TPCN2: variants seen among roughly 807,000 people sequenced by gnomAD.
TPCN2 encodes two pore channel protein 2.
Under a neutral mutation model 111.4 loss-of-function variants are expected in TPCN2, and 92 were observed. The ratio of observed to expected loss-of-function variants is 0.83; its 90% CI spans 0.70 to 0.98. TPCN2 has a LOEUF of 0.98. Ranked by LOEUF, TPCN2 falls within the 50% of genes least tolerant of loss-of-function variation. The probability of loss-of-function intolerance (pLI) is 0.00; values close to 1 mark genes in which losing one functional copy is unlikely to be tolerated. For synonymous variants in TPCN2, 405 were observed against 414.5 expected, an observed-to-expected ratio of 0.98 and a Z score of 0.28; for missense variants, 995 against 980.1, an observed-to-expected ratio of 1.02 and a Z score of -0.20.
chr11:69,085,343 G>GTGGGGGGGGGGGGGGGGGGGA, intron 20 of TPCN2, 57 bp downstream of exon 20: 1 of 581,896 alleles, frequency 1.7e-6, no homozygotes, highest in Non-Finnish European at 3.4e-6. Context: ...GGGTGGGCGG[G>GTGGGGGGGGGGGGGGGGGGGA]AAGCCTTGGC....
At chr11:69,067,733 A>G (rs1029062956) in intron 8 of TPCN2, 128 bp downstream of exon 8, 2 of 693,602 alleles carry the variant, frequency 2.9e-6, no homozygotes, top group South Asian at 3.8e-5. Flanking sequence ...TGGAGAAGAA[A>G]GGGTGACATT....
At chr11:69,061,168 T>C (rs915892307) in intron 5 of TPCN2, among the ~76,000 whole-genome samples, 2 of 151,942 alleles carry the variant, frequency 1.3e-5, no homozygotes, top group Admixed American at 1.3e-4. Context: ...GATTCCCAAG[T>C]GTGGTGGTGG....
rs1406265900 is a variant in TPCN2 at position 69,078,913 on chromosome 11, G to T, written c.1432G>T (p.Val478Leu). Residue 478 changes from valine (V) to leucine (L), a missense_variant, in exon 16 of 25, where the codon GTG (valine) becomes TTG (leucine). Coordinates refer to ENST00000294309, the MANE Select transcript of TPCN2 (RefSeq NM_139075.4). ...ILGILNCVFI[V>L]YYLLEMLLKV... is the part of the protein sequence containing the mutation. Reference sequence around the variant, plus strand: ...TCAGATTCTCAACTGCGTCTTCATTGTGTACTACCTGTTGGAGATGCTGCT... The same window carrying T: ...TCAGATTCTCAACTGCGTCTTCATTTTGTACTACCTGTTGGAGATGCTGCT... 2 of 1,614,104 alleles carry T rather than the reference G, an allele frequency of 1.2e-6. No homozygotes were observed. The highest frequency in any genetic ancestry group is 1.7e-6 in the Non-Finnish European group (2 of 1,180,002).
At chr11:69,074,141 G>A (rs927267854) in intron 13 of TPCN2, among the ~76,000 whole-genome samples, 17 of 152,302 alleles carry the variant, frequency 1.1e-4, no homozygotes, top group African/African-American at 3.8e-4. Context: ...ATTCCTTGTC[G>A]GCCCCTGTGG....
Position 69,067,681 on chromosome 11 carries a change from T to G in TPCN2, c.829+76T>G. ...GGGGGCCGGTTTGGGCTGCTGAGCC[T>G]TAGAACCCAGTGGGAGTTTCTGAGG... On this transcript the variant is annotated intron_variant, in intron 8 of 24. Transcript: ENST00000294309. 3.6e-6 allele frequency: 5 copies of G among 1,392,792 alleles called. No homozygotes were observed. In the South Asian group the frequency reaches 6.0e-5, roughly 17 times the overall value. The allele number at this position is 1,392,792 out of a possible 1,614,324, so 86.3% of individuals were successfully genotyped here.
intron 17 of TPCN2, 95 bp downstream of exon 17, chr11:69,079,978 C>T (rs1024456691): frequency 2.5e-6 from 3 of 1,179,448 alleles, no homozygotes; most frequent in African/African-American, 3.0e-5. Context: ...GGGGCTGGGT[C>T]TGCTCTGACT....
At chr11:69,082,835 A>G (rs2924520) in intron 18 of TPCN2, among the ~76,000 whole-genome samples, 495 of 44,594 alleles carry the variant, frequency 0.011, 71 homozygotes, top group African/African-American at 0.02. Context: ...TGCACACATC[A>G]CGTGCAGATA....
At chr11:69,058,708 C>T (rs73514488) in intron 5 of TPCN2, among the ~76,000 whole-genome samples, 4,970 of 152,304 alleles carry the variant, frequency 0.033, 280 homozygotes, top group African/African-American at 0.11. Flanking sequence ...AGGGCAGCCC[C>T]GCTGTGCTGC....
At chr11:69,084,107 T>C (rs1856164793) in intron 19 of TPCN2, 91 bp downstream of exon 19, 3 of 1,316,618 alleles carry the variant, frequency 2.3e-6, no homozygotes, top group South Asian at 2.4e-5. Context: ...GGCTCACTGC[T>C]CTGTCGGTAG....
Position 69,087,995 on chromosome 11 carries a change from G to C in TPCN2, c.*42G>C, listed in dbSNP as rs758420613. On this transcript the variant is annotated 3_prime_UTR_variant, in exon 25 of 25. Coordinates refer to ENST00000294309, the MANE Select transcript of TPCN2 (RefSeq NM_139075.4). Reference sequence around the variant, plus strand: ...CCAGCAGGGGCGGCAGGAGAGAGAGGCTGGCCTACACAGGTGCCCGTCATG... The same window carrying C: ...CCAGCAGGGGCGGCAGGAGAGAGAGCCTGGCCTACACAGGTGCCCGTCATG... The C allele has an allele frequency of 1.9e-6, 3 of 1,561,754 alleles. No individual in the cohort carries two copies. In the African/African-American group the frequency reaches 4.1e-5, roughly 21 times the overall value.
At chr11:69,071,803 T>C in intron 10 of TPCN2, 120 bp from the exon 11 acceptor site, 1 of 890,780 alleles carries the variant, frequency 1.1e-6, no homozygotes, top group Non-Finnish European at 1.8e-6. Context: ...TGTGGGGAAC[T>C]GGGCCCCCCC....
chr11:69,060,098 C>G (rs1010055968), intron 5 of TPCN2, among the ~76,000 whole-genome samples: 1 of 152,226 alleles, frequency 6.6e-6, no homozygotes. Context: ...AAAGCTCGTT[C>G]AGAGCAGCTG....
rs543282845 is a variant in TPCN2 at position 69,070,489 on chromosome 11, G to A, written c.889G>A (p.Val297Met). 4.5e-5 allele frequency: 72 copies of A among 1,606,080 alleles called. No homozygotes were observed. In the East Asian group the frequency reaches 1.0e-3, roughly 22 times the overall value. Residue 297 changes from valine (V) to methionine (M), a missense_variant, in exon 9 of 25, where the codon GTG becomes ATG. Physicochemically the swap from Val to Met is conservative, Grantham distance 21. Transcript: ENST00000294309. ...TGCCATCTTCTTCATAGTCTTCACT[G>A]TGATAGGTGAGTGCAGGTAACGTGG... Reference protein sequence around the residue: ...AYAIFFIVFTVIGSLFLMNLL... With the variant: ...AYAIFFIVFTMIGSLFLMNLL...
At chr11:69,054,824 G>A in intron 3 of TPCN2, 27 bp downstream of exon 3, 1 of 1,609,416 alleles carries the variant, frequency 6.2e-7, no homozygotes, top group Non-Finnish European at 8.5e-7. Context: ...GTGGAACTCA[G>A]GGTTCCTGCC....
intron 3 of TPCN2, 66 bp downstream of exon 3, chr11:69,054,863 C>A: frequency 1.3e-6 from 2 of 1,519,754 alleles, no homozygotes; most frequent in East Asian, 2.3e-5. Context: ...GGCTGGCCCC[C>A]ACCTGGGGAT....
chr11:69,055,753 T>G (rs988786894), intron 4 of TPCN2, among the ~76,000 whole-genome samples: 2 of 152,120 alleles, frequency 1.3e-5, no homozygotes, highest in African/African-American at 4.8e-5. Context: ...CTGAGCCCAG[T>G]GGGCCGTCAG....
intron 1 of TPCN2, among the ~76,000 whole-genome samples, chr11:69,052,121 AC>A (rs937451962): frequency 5.3e-5 from 8 of 152,264 alleles, no homozygotes; most frequent in Admixed American, 4.6e-4. Context: ...AGGGGTGCCC[AC>A]CACTGTTGGC....
At chr11:69,062,263 C>T (rs569509040) in intron 5 of TPCN2, among the ~76,000 whole-genome samples, 4 of 152,316 alleles carry the variant, frequency 2.6e-5, no homozygotes, top group African/African-American at 9.6e-5. Flanking sequence ...CAAACCCCTC[C>T]TGCTAGATCC....
chr11:69,072,099 A>AGG (rs1441741822), intron 11 of TPCN2, 76 bp downstream of exon 11: 1 of 1,285,472 alleles, frequency 7.8e-7, no homozygotes, highest in Non-Finnish European at 1.1e-6. Context: ...GGTGTTCATT[A>AGG]GGGGCTTCTT....
Sources: allele counts gnomAD v4.1 joint callset (sites outside exome capture counted in the v4.1 genomes callset), GRCh38; gene constraint gnomAD v4.1.1; transcripts MANE v1.5; gene names NCBI Gene and HGNC (gene_info 2026-07-23, HGNC 2026-07-21).